The following CDH13 variants were observed in gnomAD, a reference collection of about 807,000 sequenced individuals.
CDH13 encodes cadherin-13.
A neutral mutation model predicts 63.8 loss-of-function variants in CDH13; 24 were observed. The observed-to-expected ratio is 0.38, with a 90% confidence interval of 0.27 to 0.53. The LOEUF (loss-of-function observed/expected upper bound fraction) is 0.53, where lower values mean the gene tolerates loss of function less well. Ranked by LOEUF, CDH13 falls within the 20% of genes least tolerant of loss-of-function variation. The pLI, the probability that CDH13 is intolerant of heterozygous loss-of-function variation, is 0.85. For missense variants in CDH13, 1,049 were observed against 903.1 expected (o/e 1.16, Z -2.07); for synonymous variants, 503 against 355.3 (o/e 1.42, Z -4.67).
At chr16:83,373,269 A>G (rs1432127154) in intron 6 of CDH13, among the ~76,000 whole-genome samples, 1 of 152,186 alleles carries the variant, frequency 6.6e-6, no homozygotes, top group Non-Finnish European at 1.5e-5. Flanking sequence ...GGGAATTGCA[A>G]AGGATAGGAG....
At chr16:83,765,280 C>T (rs1407157725) in intron 11 of CDH13, among the ~76,000 whole-genome samples, 3 of 152,122 alleles carry the variant, frequency 2.0e-5, no homozygotes, top group Non-Finnish European at 4.4e-5. Flanking sequence ...CATGTTTAAA[C>T]ATGGCCTCAA....
chr16:83,433,931 T>A lies in CDH13; in HGVS notation c.782-52546T>A, dbSNP rs1255260227. On this transcript the variant is annotated intron_variant, in intron 6 of 13. Coordinates refer to ENST00000567109, the MANE Select transcript of CDH13 (RefSeq NM_001257.5). ...TGCTTAGTGGCTCGTTGGAAAGTAT[T>A]TCCTTTGCGTTGGGGGGGAATCAAT... Among the ~76,000 whole-genome samples the A allele has an allele frequency of 5.3e-5, 8 of 152,310 alleles. No homozygotes were observed. The East Asian group carries it at 1.5e-3, about 29-fold the overall frequency.
At chr16:83,505,487 A>G (rs977250356) in intron 7 of CDH13, among the ~76,000 whole-genome samples, 2 of 151,888 alleles carry the variant, frequency 1.3e-5, no homozygotes, top group African/African-American at 4.8e-5. Context: ...AACTCTGCCA[A>G]AGGAGCACAG....
At chr16:83,173,250 G>A (rs1428115992) in intron 4 of CDH13, among the ~76,000 whole-genome samples, 1 of 152,088 alleles carries the variant, frequency 6.6e-6, no homozygotes, top group Non-Finnish European at 1.5e-5. Context: ...TTGAACTCAG[G>A]CAGTCTGACC....
chr16:83,709,889 C>G (rs1907741840), intron 10 of CDH13, among the ~76,000 whole-genome samples: 1 of 152,208 alleles, frequency 6.6e-6, no homozygotes, highest in African/African-American at 2.4e-5. Context: ...TTCCACCTCT[C>G]TCTAGTCATT....
At chr16:83,525,956 C>T (rs112933628) in intron 7 of CDH13, among the ~76,000 whole-genome samples, 24 of 152,306 alleles carry the variant, frequency 1.6e-4, no homozygotes, top group Admixed American at 5.9e-4. Context: ...GGAGTTTCCC[C>T]TGGAGCCTCT....
intron 3 of CDH13, among the ~76,000 whole-genome samples, chr16:83,098,817 TATG>T (rs752494292): frequency 3.7e-4 from 57 of 152,296 alleles, no homozygotes; most frequent in Non-Finnish European, 6.5e-4. Context: ...GCAATTTGAT[TATG>T]ATAAGAAACA....
chr16:83,446,123 T>C (rs1175344718), intron 6 of CDH13, among the ~76,000 whole-genome samples: 1 of 151,716 alleles, frequency 6.6e-6, no homozygotes, highest in Non-Finnish European at 1.5e-5. Context: ...GCCAACGTGG[T>C]GAAACCCCAT....
rs997740648 is a variant in CDH13 at position 82,627,144 on chromosome 16, A to T, written c.45+7A>T. On this transcript the variant is annotated splice_region_variant and intron_variant, in intron 1 of 13. Coordinates refer to ENST00000567109, the MANE Select transcript of CDH13 (RefSeq NM_001257.5). ...GTGCGTTCTCCTGTCCCAGGTAGGG[A>T]AGAGGGGCTGCCGGGCGCGCTCTGC... 1.0e-5 allele frequency: 16 copies of T among 1,604,754 alleles called. No individual in the cohort carries two copies. The highest frequency in any genetic ancestry group is 9.0e-5 in the East Asian group (4 of 44,610).
At chr16:83,312,287 G>A (rs933691328) in intron 5 of CDH13, among the ~76,000 whole-genome samples, 1 of 152,114 alleles carries the variant, frequency 6.6e-6, no homozygotes, top group African/African-American at 2.4e-5. Context: ...GCTGCTCAGA[G>A]TTCTGTGATT....
At chr16:82,753,663 T>A (rs2034506177) in intron 1 of CDH13, among the ~76,000 whole-genome samples, 1 of 152,248 alleles carries the variant, frequency 6.6e-6, no homozygotes, top group African/African-American at 2.4e-5. Flanking sequence ...ATTGTAGGTC[T>A]TAATGAGCTT....
At chr16:83,171,258 G>A (rs2037904896) in intron 4 of CDH13, among the ~76,000 whole-genome samples, 1 of 152,002 alleles carries the variant, frequency 6.6e-6, no homozygotes, top group African/African-American at 2.4e-5. Flanking sequence ...ATGGGGTGGG[G>A]AAGTACTACA....
intron 13 of CDH13, among the ~76,000 whole-genome samples, chr16:83,785,109 C>T (rs1915790828): frequency 6.6e-6 from 1 of 152,154 alleles, no homozygotes; most frequent in South Asian, 2.1e-4. Flanking sequence ...GGCTGTACAG[C>T]AATTGGGCTA....
intron 1 of CDH13, among the ~76,000 whole-genome samples, chr16:82,775,947 C>A (rs2035476464): frequency 6.6e-6 from 1 of 152,184 alleles, no homozygotes; most frequent in Admixed American, 6.5e-5. Flanking sequence ...CAGTGGCTCA[C>A]ATCTGGAATC....
chr16:83,425,588 C>T (rs1462302201), intron 6 of CDH13, among the ~76,000 whole-genome samples: 2 of 152,206 alleles, frequency 1.3e-5, no homozygotes, highest in South Asian at 2.1e-4. Flanking sequence ...TCTCCCTTCC[C>T]CTCTCTTCCA....
chr16:82,846,295 C>G (rs34426246), intron 1 of CDH13, among the ~76,000 whole-genome samples: 56,184 of 151,868 alleles, frequency 0.37, 11,385 homozygotes, highest in East Asian at 0.82. Flanking sequence ...TTCTTTATTT[C>G]CACAATACTT....
chr16:83,301,349 C>G (rs944333191), intron 5 of CDH13, among the ~76,000 whole-genome samples: 1 of 152,020 alleles, frequency 6.6e-6, no homozygotes, highest in South Asian at 2.1e-4. Flanking sequence ...ATTTCAGAAC[C>G]GTTTATTTCC....
At chr16:83,151,516 C>G (rs2036978593) in intron 4 of CDH13, among the ~76,000 whole-genome samples, 1 of 152,112 alleles carries the variant, frequency 6.6e-6, no homozygotes, top group Non-Finnish European at 1.5e-5. Flanking sequence ...ATAACAAACC[C>G]AGAACAACTG....
intron 10 of CDH13, among the ~76,000 whole-genome samples, chr16:83,706,327 C>G (rs1283036297): frequency 1.3e-5 from 2 of 152,180 alleles, no homozygotes; most frequent in Non-Finnish European, 2.9e-5. Context: ...AGTGTCACTT[C>G]TATTGCACTC....
Sources: allele counts gnomAD v4.1 joint callset (sites outside exome capture counted in the v4.1 genomes callset), GRCh38; gene constraint gnomAD v4.1.1; transcripts MANE v1.5; gene names NCBI Gene and HGNC (gene_info 2026-07-23, HGNC 2026-07-21).